DNMT3A: variants seen among roughly 807,000 people sequenced by gnomAD.
DNMT3A encodes DNA (cytosine-5)-methyltransferase 3A.
A neutral mutation model predicts 117.6 loss-of-function variants in DNMT3A; 267 were observed. The observed-to-expected ratio is 2.27, with a 90% CI of 2.05 to 2.51. The LOEUF is 2.51. Ranked by LOEUF, DNMT3A falls within the 30% of genes most tolerant of loss-of-function variation. The pLI is 0.00. For synonymous variants in DNMT3A, 432 were observed against 474.8 expected, an observed-to-expected ratio of 0.91 and a Z score of 1.17; for missense variants, 1,029 against 1,260.2, an observed-to-expected ratio of 0.82 and a Z score of 2.78.
chr2:25,255,409 A>G (rs1407329505), intron 6 of DNMT3A, among the ~76,000 whole-genome samples: 2 of 152,236 alleles, frequency 1.3e-5, no homozygotes, highest in Non-Finnish European at 2.9e-5. Context: ...TGGATTTGTT[A>G]TAAAAGTATG....
At chr2:25,274,485 G>A (rs1041166057) in intron 6 of DNMT3A, among the ~76,000 whole-genome samples, 22 of 152,174 alleles carry the variant, frequency 1.4e-4, no homozygotes, top group Non-Finnish European at 1.5e-5. Context: ...CATACAGTTT[G>A]CCAAACAAGT....
chr2:25,264,131 G>GGTTTTTTTTTT (rs2029954584), intron 6 of DNMT3A, among the ~76,000 whole-genome samples: 1 of 62,702 alleles, frequency 1.6e-5, no homozygotes, highest in Non-Finnish European at 3.6e-5. Context: ...ACAACCCTTT[G>GGTTTTTTTTTT]GTTTTTTTTT....
intron 6 of DNMT3A, among the ~76,000 whole-genome samples, chr2:25,248,633 C>T (rs1340155411): frequency 1.1e-4 from 16 of 152,128 alleles, no homozygotes; most frequent in African/African-American, 3.9e-4. Context: ...CTGCAACCTC[C>T]ACCTCCCAGG....
intron 1 of DNMT3A, among the ~76,000 whole-genome samples, chr2:25,317,260 C>G (rs1362313328): frequency 6.7e-6 from 1 of 149,230 alleles, no homozygotes; most frequent in Admixed American, 6.7e-5. Flanking sequence ...CAGGGTCTCC[C>G]TATGTTGCCC....
At position 25,244,160 on chromosome 2, in the gene DNMT3A, C is replaced by G; in HGVS notation, c.1846G>C (p.Glu616Gln). Residue 616 changes from glutamate to glutamine, a missense_variant, in exon 15 of 23, where the codon GAA becomes CAA. Coordinates refer to ENST00000321117, the MANE Select transcript of DNMT3A (RefSeq NM_022552.5). ...GCCCCAGGCCCAGCACTCACAAATTCCTGGTCGTGGTTATTAGCGAAGAAC... is the reference window on the plus strand; with the variant it reads ...GCCCCAGGCCCAGCACTCACAAATTGCTGGTCGTGGTTATTAGCGAAGAAC... Reference protein sequence around the residue: ...QMFFANNHDQEFDPPKVYPPV... With the variant: ...QMFFANNHDQQFDPPKVYPPV... The G allele has an allele frequency of 1.2e-6, 2 of 1,613,950 alleles. No individual in the cohort carries two copies. The highest frequency in any genetic ancestry group is 1.7e-6 in the Non-Finnish European group (2 of 1,180,022).
chr2:25,267,740 G>T (rs984621867), intron 6 of DNMT3A, among the ~76,000 whole-genome samples: 3 of 152,236 alleles, frequency 2.0e-5, no homozygotes, highest in Non-Finnish European at 4.4e-5. Flanking sequence ...ACAACTCTGA[G>T]ATAAGAATTG....
chr2:25,331,359 G>A (rs1354476955), intron 1 of DNMT3A, among the ~76,000 whole-genome samples: 1 of 152,172 alleles, frequency 6.6e-6, no homozygotes, highest in Admixed American at 6.5e-5. Context: ...ACACACATAA[G>A]CCTCCTTTCT....
intron 6 of DNMT3A, chr2:25,249,776 T>G: frequency 6.2e-7 from 1 of 1,601,274 alleles, no homozygotes; most frequent in Non-Finnish European, 8.6e-7. Context: ...CCATTAGCCT[T>G]TTACTGAATC....
rs746335384 is a variant in DNMT3A, at chr2:25,233,798, CA to C, written c.*480del. 0.012 allele frequency: 1,880 copies of C among 158,056 alleles called. 4 individuals are homozygous for C. The highest frequency in any genetic ancestry group is 0.015 in the African/African-American group (523 of 34,656). The allele number at this position is 158,056 out of a possible 1,614,324, so 9.8% of individuals were successfully genotyped here. On this transcript the variant is annotated 3_prime_UTR_variant, in exon 23 of 23. Coordinates refer to ENST00000321117, the MANE Select transcript of DNMT3A (RefSeq NM_022552.5). ...AAACCCAAAAAAAAAAAACAAAAAACAAAAAAAAAAACAACCCAATATATAG... is the reference window on the plus strand; with the variant it reads ...AAACCCAAAAAAAAAAAACAAAAAACAAAAAAAAAACAACCCAATATATAG...
chr2:25,306,974 T>C lies in DNMT3A; in HGVS notation c.73-6731A>G, dbSNP rs1017746909. On this transcript the variant is annotated intron_variant, in intron 2 of 22. Transcript: ENST00000321117. The surrounding 1 kb of genome is among the most constrained non-coding windows in gnomAD (Gnocchi z 4.1). ...CCCAGCTCTGCCAGCCCTTGCTTAA[T>C]AGAGGGGAAGATCCAGATAAAACTA... Among the ~76,000 whole-genome samples, 1 of 151,496 alleles carries C rather than the reference T, an allele frequency of 6.6e-6. No homozygotes were observed. The highest frequency in any genetic ancestry group is 2.1e-4 in the South Asian group (1 of 4,730).
Position 25,234,313 on chromosome 2 carries a change from A to AAGAGG in DNMT3A, c.2700_2704dup (p.Phe902SerfsTer6). On this transcript the variant is annotated frameshift_variant, in exon 23 of 23. Transcript: ENST00000321117. LOFTEE classifies it high-confidence loss of function. This position sits in a 1 kb window ranked among gnomAD's most constrained non-coding sequence, Gnocchi z 4.5. ...CGCAAAATACTCCTTCAGCGGAGCG[A>AAGAGG]AGAGGTGGCGGATGACTGGCACGCT... The AAGAGG allele has an allele frequency of 6.2e-7, 1 of 1,614,080 alleles. No individual in the cohort carries two copies. The highest frequency in any genetic ancestry group is 1.1e-5 in the South Asian group (1 of 91,060).
chr2:25,317,209 G>A (rs1412733522), intron 1 of DNMT3A, among the ~76,000 whole-genome samples: 1 of 147,228 alleles, frequency 6.8e-6, no homozygotes, highest in African/African-American at 2.5e-5. Context: ...CTACAGCCAT[G>A]TACCACCACA....
At chr2:25,256,597 G>T (rs1046582788) in intron 6 of DNMT3A, among the ~76,000 whole-genome samples, 1 of 152,174 alleles carries the variant, frequency 6.6e-6, no homozygotes, top group African/African-American at 2.4e-5. Flanking sequence ...GAATTCGATG[G>T]CACTGATTTT....
intron 1 of DNMT3A, among the ~76,000 whole-genome samples, chr2:25,318,822 C>T (rs1255340812): frequency 2.0e-5 from 3 of 150,602 alleles, no homozygotes; most frequent in African/African-American, 7.3e-5. Context: ...CTCAGCCTCC[C>T]AAGTAGCCGG....
At chr2:25,321,659 G>A (rs1255422239) in intron 1 of DNMT3A, among the ~76,000 whole-genome samples, 1 of 152,242 alleles carries the variant, frequency 6.6e-6, no homozygotes, top group African/African-American at 2.4e-5. Context: ...CCAGCACTCT[G>A]AGAGGCCAAG....
intron 6 of DNMT3A, among the ~76,000 whole-genome samples, chr2:25,265,276 G>A (rs139295191): frequency 1.2e-4 from 19 of 152,320 alleles, no homozygotes; most frequent in African/African-American, 4.1e-4. Flanking sequence ...GGAAGAGCAT[G>A]CGGCAGGCTG....
At chr2:25,272,518 G>A (rs2031002419) in intron 6 of DNMT3A, among the ~76,000 whole-genome samples, 1 of 152,208 alleles carries the variant, frequency 6.6e-6, no homozygotes, top group South Asian at 2.1e-4. Context: ...AATGAGAACA[G>A]AAACACTTCG....
At chr2:25,283,340 G>A (rs1249901011) in intron 3 of DNMT3A, among the ~76,000 whole-genome samples, 2 of 136,678 alleles carry the variant, frequency 1.5e-5, no homozygotes, top group South Asian at 2.3e-4. Context: ...CCAGCCTTGC[G>A]ACAGAGCAAG....
In DNMT3A at chr2:25,251,942, C is replaced by T. The variant is rs1292895141; in HGVS notation, c.640-3690G>A. On this transcript the variant is annotated intron_variant, in intron 6 of 22. Coordinates refer to ENST00000321117, the MANE Select transcript of DNMT3A (RefSeq NM_022552.5). ...CCCGGGCTCCCGGCCGGCTGCTCTTCCTGTCCCCCGAGGGCGCCAGGTGCC... is the reference window on the plus strand; with the variant it reads ...CCCGGGCTCCCGGCCGGCTGCTCTTTCTGTCCCCCGAGGGCGCCAGGTGCC... The T allele has an allele frequency of 6.1e-6, 3 of 490,756 alleles. No homozygotes were observed. The highest frequency in any genetic ancestry group is 5.3e-4 in the Middle Eastern group (1 of 1,894). The allele number at this position is 490,756 out of a possible 1,614,324, so 30.4% of individuals were successfully genotyped here.
Sources: allele counts gnomAD v4.1 joint callset (sites outside exome capture counted in the v4.1 genomes callset), GRCh38; gene constraint gnomAD v4.1.1; non-coding constraint Gnocchi (gnomAD v3.1); transcripts MANE v1.5; gene names NCBI Gene and HGNC (gene_info 2026-07-23, HGNC 2026-07-21).